The following AREL1 variants were observed in gnomAD, a reference collection of about 807,000 sequenced individuals.
AREL1 encodes apoptosis-resistant E3 ubiquitin protein ligase 1.
AREL1 carries 62 observed loss-of-function variants against 99.0 expected under a neutral mutation model. That is an observed-to-expected ratio of 0.63 (90% CI 0.51 to 0.77). The LOEUF (loss-of-function observed/expected upper bound fraction) is 0.77, where lower values mean the gene tolerates loss of function less well. AREL1 is among the 30% of genes least tolerant of loss of function. AREL1 has a pLI of 0.00. For missense variants in AREL1, 879 were observed against 1,027.6 expected (o/e 0.86, Z 1.98); for synonymous variants, 380 against 376.5 (o/e 1.01, Z -0.11).
In AREL1 at chr14:74,692,318, G is replaced by A. The variant is rs530605502; in HGVS notation, c.-323C>T. ...AGGGTGCAATCGACTGCCAAAGGAC[G>A]CCCCAGGATCCTGTCCAAAAAAGAA... On this transcript the variant is annotated 5_prime_UTR_variant, in exon 2 of 20. Transcript: ENST00000356357. 1.2e-4 allele frequency: 51 copies of A among 440,340 alleles called. No homozygotes were observed. Among genetic ancestry groups the A allele is most frequent in the Non-Finnish European group, 1.3e-4 (29 of 222,460 alleles). The allele number at this position is 440,340 out of a possible 1,614,324, so 27.3% of individuals were successfully genotyped here. A position where few individuals can be genotyped will look rare whatever the true frequency, so the allele number is the denominator to read the frequency against.
At chr14:74,710,421 G>A (rs549505659) in intron 1 of AREL1, among the ~76,000 whole-genome samples, 26 of 152,162 alleles carry the variant, frequency 1.7e-4, no homozygotes, top group African/African-American at 5.8e-4. Flanking sequence ...CCAGAAGAGC[G>A]TTTTTCTGTC....
At chr14:74,682,379 T>C (rs1235616008) in intron 5 of AREL1, among the ~76,000 whole-genome samples, 2 of 152,170 alleles carry the variant, frequency 1.3e-5, no homozygotes, top group Non-Finnish European at 2.9e-5. Flanking sequence ...CTCAGCAATT[T>C]TACTCCCAGA....
chr14:74,670,938 G>T, intron 12 of AREL1, 67 bp from the exon 13 acceptor site: 1 of 1,302,072 alleles, frequency 7.7e-7, no homozygotes, highest in Non-Finnish European at 1.1e-6. Flanking sequence ...TGTTTATTGA[G>T]TCATCATTTT....
At position 74,683,512 on chromosome 14, in the gene AREL1, G is replaced by C. The variant is rs776382125; in HGVS notation, c.265C>G (p.Pro89Ala). The change falls in exon 5 of 20, where the codon CCT (proline) becomes GCT (alanine). Residue 89 changes from proline (P) to alanine (A), a missense_variant. Transcript: ENST00000356357. ...RVHLFYKNGQ[P>A]FPAHRPVGLR... Reference sequence around the variant, plus strand: ...CCCACAGGCCGATGTGCAGGGAAAGGCTGCCCGTTCTTATAGAATAACTGC... The same window carrying C: ...CCCACAGGCCGATGTGCAGGGAAAGCCTGCCCGTTCTTATAGAATAACTGC... 6 of 1,614,094 alleles carry C rather than the reference G, an allele frequency of 3.7e-6. No homozygotes were observed. The highest frequency in any genetic ancestry group is 3.3e-5 in the South Asian group (3 of 91,078).
Position 74,664,019 on chromosome 14 carries a change from C to T in AREL1, c.2249G>A (p.Arg750Gln), listed in dbSNP as rs189402492. The T allele has an allele frequency of 1.3e-5, 21 of 1,614,080 alleles. No homozygotes were observed. The highest frequency in any genetic ancestry group is 3.3e-5 in the Admixed American group (2 of 60,012). ...VSSLTQEELA[R>Q]LLQFTTGSSQ... ...GGAGCCTGTTGTGAACTGAAGTAGC[C>T]GAGCCAACTCCTCCTGGGTCAGACT... The change falls in exon 19 of 20, where the codon CGG becomes CAG. Residue 750 changes from arginine to glutamine, a missense_variant. Physicochemically the swap from Arg to Gln is conservative, Grantham distance 43 (BLOSUM62 1). Coordinates refer to ENST00000356357, the MANE Select transcript of AREL1 (RefSeq NM_001039479.2).
intron 5 of AREL1, among the ~76,000 whole-genome samples, chr14:74,681,531 T>C (rs2089627905): frequency 1.3e-5 from 2 of 151,846 alleles, no homozygotes; most frequent in Non-Finnish European, 2.9e-5. Flanking sequence ...TCCCAGCACT[T>C]TGGGAGGCTG....
chr14:74,681,044 A>C (rs2089615698), intron 5 of AREL1, among the ~76,000 whole-genome samples: 1 of 151,980 alleles, frequency 6.6e-6, no homozygotes, highest in Admixed American at 6.6e-5. Context: ...AAATTAACCG[A>C]GCGTGGTGGT....
intron 15 of AREL1, among the ~76,000 whole-genome samples, chr14:74,668,231 T>C (rs935823732): frequency 3.3e-5 from 5 of 152,214 alleles, no homozygotes; most frequent in African/African-American, 1.2e-4. Flanking sequence ...TCAAACAGAA[T>C]TGGTATCCCC....
At position 74,663,912 on chromosome 14, in the gene AREL1, T is replaced by C. The variant is rs1410549116; in HGVS notation, c.2356A>G (p.Thr786Ala). The C allele has an allele frequency of 1.2e-6, 2 of 1,614,106 alleles. No individual in the cohort carries two copies. The highest frequency in any genetic ancestry group is 8.5e-7 in the Non-Finnish European group (1 of 1,179,994). ...GCAGATACCTACCATGTGTGTGCAG[T>C]AGGCAGCGTGCTATGGGTCGGAGCG... ...IAAPTHSTLP[T>A]AHTCFNQLCL... is the part of the protein sequence containing the mutation. Residue 786 changes from threonine (T) to alanine (A), a missense_variant, in exon 19 of 20, where the codon ACT becomes GCT. Thr to Ala is a moderately conservative substitution (Grantham distance 58, BLOSUM62 0). Coordinates refer to ENST00000356357, the MANE Select transcript of AREL1 (RefSeq NM_001039479.2).
intron 1 of AREL1, among the ~76,000 whole-genome samples, chr14:74,701,038 C>T (rs545820413): frequency 1.2e-4 from 19 of 152,220 alleles, no homozygotes; most frequent in South Asian, 4.2e-4. Context: ...AACATAGACC[C>T]TCATTAGTCA....
chr14:74,701,645 C>T (rs893261692), intron 1 of AREL1: 4 of 152,124 alleles, frequency 2.6e-5, no homozygotes, highest in African/African-American at 9.7e-5. Context: ...CCACCCCGGC[C>T]CCTCCCAAAT....
At position 74,683,497 on chromosome 14, in the gene AREL1, G is replaced by T. The variant is rs572775619; in HGVS notation, c.280C>A (p.Arg94=). 2.5e-6 allele frequency: 4 copies of T among 1,614,104 alleles called. No individual in the cohort carries two copies. The highest frequency in any genetic ancestry group is 3.4e-6 in the Non-Finnish European group (4 of 1,180,008). Residue 94 remains arginine, a synonymous_variant, in exon 5 of 20, where the codon CGG becomes AGG. Transcript: ENST00000356357. ...YKNGQPFPAH[R]PVGLRVHISH... is the part of the protein sequence containing the mutation. ...ATGTGAACTCTTAGTCCCACAGGCC[G>T]ATGTGCAGGGAAAGGCTGCCCGTTC...
chr14:74,705,170 G>A (rs1419044249), intron 1 of AREL1, among the ~76,000 whole-genome samples: 1 of 152,040 alleles, frequency 6.6e-6, no homozygotes, highest in East Asian at 1.9e-4. Context: ...CTCCCAAGTA[G>A]CTGGGATTAT....
At chr14:74,695,955 G>T (rs2089972779) in intron 1 of AREL1, among the ~76,000 whole-genome samples, 1 of 152,200 alleles carries the variant, frequency 6.6e-6, no homozygotes, top group African/African-American at 2.4e-5. Flanking sequence ...GATGCTGCTG[G>T]TCTCCTAGAC....
chr14:74,665,124 G>T (rs1479600553), intron 17 of AREL1, among the ~76,000 whole-genome samples, 199 bp from the exon 18 acceptor site: 1 of 151,996 alleles, frequency 6.6e-6, no homozygotes, highest in Non-Finnish European at 1.5e-5. Context: ...TAACCAGTGG[G>T]TAAAAAAAAG....
chr14:74,679,497 T>C (rs910654213), intron 5 of AREL1, among the ~76,000 whole-genome samples: 3 of 152,058 alleles, frequency 2.0e-5, no homozygotes, highest in East Asian at 1.9e-4. Context: ...GACTAGCATA[T>C]AGAATATATA....
At chr14:74,679,122 A>C in intron 5 of AREL1, among the ~76,000 whole-genome samples, 1 of 152,084 alleles carries the variant, frequency 6.6e-6, no homozygotes. Context: ...CCGGTCTTGA[A>C]CTCCTGGGCT....
At chr14:74,676,507 G>A in intron 6 of AREL1, 76 bp downstream of exon 6, 1 of 1,503,174 alleles carries the variant, frequency 6.7e-7, no homozygotes, top group Non-Finnish European at 9.0e-7. Context: ...AGAGATCGAA[G>A]TGAATTAGGT....
chr14:74,710,778 C>T (rs2090266012), intron 1 of AREL1, among the ~76,000 whole-genome samples: 1 of 152,132 alleles, frequency 6.6e-6, no homozygotes, highest in Non-Finnish European at 1.5e-5. Flanking sequence ...ATTAAGCCAT[C>T]TAAATGAATG....
Sources: gnomAD v4.1 joint callset for allele counts (sites outside exome capture counted in the v4.1 genomes callset) on GRCh38, gnomAD v4.1.1 for gene constraint, MANE v1.5 for transcripts, NCBI Gene and HGNC (gene_info 2026-07-23, HGNC 2026-07-21) for gene names.